RGS6: variants seen among roughly 807,000 people sequenced by gnomAD.
RGS6 encodes regulator of G protein signaling 6.
RGS6 carries 30 observed loss-of-function variants against 78.5 expected under a neutral mutation model. The ratio of observed to expected loss-of-function variants is 0.38; its 90% CI spans 0.29 to 0.52. The LOEUF is 0.52. RGS6 is among the 20% of genes least tolerant of loss of function. The pLI is 0.85. For missense variants in RGS6, 495 were observed against 609.7 expected (o/e 0.81, Z 1.98); for synonymous variants, 206 against 206.0 (o/e 1.00, Z 0.00).
intron 13 of RGS6, among the ~76,000 whole-genome samples, chr14:72,509,718 G>C (rs951617787): frequency 4.4e-4 from 67 of 152,182 alleles, no homozygotes; most frequent in African/African-American, 1.5e-3. Context: ...CTTGAAACAG[G>C]ACCATAATTT....
intron 2 of RGS6, among the ~76,000 whole-genome samples, chr14:72,103,771 T>A (rs1243278673): frequency 6.6e-6 from 1 of 152,116 alleles, no homozygotes; most frequent in Admixed American, 6.5e-5. Flanking sequence ...CCGCCTAGAC[T>A]CAGAAATGAC....
intron 2 of RGS6, among the ~76,000 whole-genome samples, chr14:71,994,834 C>T (rs1041647111): frequency 5.3e-5 from 8 of 152,184 alleles, no homozygotes; most frequent in African/African-American, 1.9e-4. Context: ...TCCCAGACTT[C>T]CAGCCTCTGG....
chr14:72,427,436 A>T (rs1375645762), intron 3 of RGS6, among the ~76,000 whole-genome samples: 1 of 152,200 alleles, frequency 6.6e-6, no homozygotes, highest in African/African-American at 2.4e-5. Flanking sequence ...ACTACTGTAG[A>T]TCCTCCTGCT....
chr14:71,897,451 A>T, the RGS6 span, among the ~76,000 whole-genome samples: 1 of 152,142 alleles, frequency 6.6e-6, no homozygotes, highest in Non-Finnish European at 1.5e-5. Context: ...CAGTTGGGAG[A>T]TAGAGTGACA....
At chr14:72,428,578 G>T (rs1223243810) in intron 3 of RGS6, among the ~76,000 whole-genome samples, 1 of 152,216 alleles carries the variant, frequency 6.6e-6, no homozygotes, top group African/African-American at 2.4e-5. Context: ...CAGGCATTCA[G>T]TGCAGAGTTC....
In RGS6 at chr14:72,555,815, G is replaced by A. The variant is rs560010907; in HGVS notation, c.1423-6602G>A. ...AGTGCGGGTGCTTGTAAAATGCCTC[G>A]CATGCTTGACAGACACACAATAGTT... On this transcript the variant is annotated intron_variant, in intron 17 of 17. Transcript: ENST00000553525. 3.3e-5 allele frequency among the ~76,000 whole-genome samples: 5 copies of A among 152,328 alleles called. No homozygotes were observed. The East Asian group carries it at 5.8e-4, about 18-fold the overall frequency.
At chr14:72,129,994 C>A (rs2096280690) in intron 2 of RGS6, among the ~76,000 whole-genome samples, 1 of 152,136 alleles carries the variant, frequency 6.6e-6, no homozygotes, top group Non-Finnish European at 1.5e-5. Flanking sequence ...CTTAGACTGC[C>A]CCCACTTCAG....
intron 2 of RGS6, among the ~76,000 whole-genome samples, chr14:72,092,898 A>G (rs2095311325): frequency 6.6e-6 from 1 of 152,086 alleles, no homozygotes; most frequent in South Asian, 2.1e-4. Flanking sequence ...CATTTTTCCT[A>G]GTTTTTACCT....
chr14:71,960,284 A>C (rs1175348447), intron 1 of RGS6, among the ~76,000 whole-genome samples: 1 of 152,060 alleles, frequency 6.6e-6, no homozygotes, highest in Non-Finnish European at 1.5e-5. Context: ...TTCTTACCTA[A>C]ATTGCTTATG....
At chr14:72,206,914 C>G (rs1310158851) in intron 2 of RGS6, among the ~76,000 whole-genome samples, 1 of 152,076 alleles carries the variant, frequency 6.6e-6, no homozygotes, top group Non-Finnish European at 1.5e-5. Flanking sequence ...ACACACCAAA[C>G]TGTTAATAGT....
chr14:72,380,594 G>C (rs1345895341), intron 3 of RGS6, among the ~76,000 whole-genome samples: 2 of 152,000 alleles, frequency 1.3e-5, no homozygotes. Flanking sequence ...TGAATCATCA[G>C]GGAAATGCCA....
intron 2 of RGS6, among the ~76,000 whole-genome samples, chr14:72,221,881 C>T (rs988452574): frequency 6.6e-6 from 1 of 152,130 alleles, no homozygotes; most frequent in Admixed American, 6.5e-5. Context: ...CCCATTAACC[C>T]CACTTGTTTG....
chr14:71,877,401 CT>C, the RGS6 span, among the ~76,000 whole-genome samples: 2 of 152,166 alleles, frequency 1.3e-5, no homozygotes, highest in Admixed American at 6.5e-5. Flanking sequence ...CTCTAAACTT[CT>C]CTTCTCACTT....
chr14:72,116,447 G>T (rs758814858), intron 2 of RGS6, among the ~76,000 whole-genome samples: 7 of 151,674 alleles, frequency 4.6e-5, no homozygotes, highest in Admixed American at 6.6e-5. Context: ...TCTGTCCTGG[G>T]CATTTTAGGA....
intron 2 of RGS6, among the ~76,000 whole-genome samples, chr14:72,244,345 G>A (rs896002718): frequency 1.3e-5 from 2 of 149,620 alleles, no homozygotes; most frequent in Non-Finnish European, 3.0e-5. Flanking sequence ...CTCTCTGAAC[G>A]AACAGCCCAC....
At chr14:72,023,997 A>G (rs2089296807) in intron 2 of RGS6, among the ~76,000 whole-genome samples, 1 of 152,208 alleles carries the variant, frequency 6.6e-6, no homozygotes, top group Non-Finnish European at 1.5e-5. Flanking sequence ...AGTGCTCGCG[A>G]CAATGAGCTC....
chr14:72,457,561 G>A (rs1009969330), intron 4 of RGS6, among the ~76,000 whole-genome samples: 3 of 152,112 alleles, frequency 2.0e-5, no homozygotes, highest in Non-Finnish European at 4.4e-5. Flanking sequence ...TGGATTACAG[G>A]CGTGAGCCAC....
At chr14:72,103,958 T>C (rs1394768797) in intron 2 of RGS6, among the ~76,000 whole-genome samples, 1 of 152,248 alleles carries the variant, frequency 6.6e-6, no homozygotes. Flanking sequence ...TTAATGTAGG[T>C]GAAGCTCTTA....
upstream of RGS6, among the ~76,000 whole-genome samples, chr14:71,930,965 G>A (rs559918245): frequency 3.9e-4 from 20 of 51,830 alleles, 1 homozygote; most frequent in Non-Finnish European, 2.5e-4. Context: ...CAACAAGAAG[G>A]AAACTACGTC....
Sources: gnomAD v4.1 joint callset for allele counts (sites outside exome capture counted in the v4.1 genomes callset) on GRCh38, gnomAD v4.1.1 for gene constraint, MANE v1.5 for transcripts, NCBI Gene and HGNC (gene_info 2026-07-23, HGNC 2026-07-21) for gene names.